CLSTN2: variants seen among roughly 807,000 people sequenced by gnomAD.
CLSTN2 encodes the protein calsyntenin-2.
Under a neutral mutation model 101.2 loss-of-function variants are expected in CLSTN2, and 48 were observed. The ratio of observed to expected loss-of-function variants is 0.47; its 90% CI spans 0.38 to 0.60. CLSTN2 has a LOEUF of 0.60. Ranked by LOEUF, CLSTN2 falls within the 20% of genes least tolerant of loss-of-function variation. The pLI, the probability that CLSTN2 is intolerant of heterozygous loss-of-function variation, is 0.00. For synonymous variants in CLSTN2, 481 were observed against 463.6 expected, an observed-to-expected ratio of 1.04 and a Z score of -0.48; for missense variants, 1,160 against 1,238.2, an observed-to-expected ratio of 0.94 and a Z score of 0.95.
At position 140,575,834 on chromosome 3, in the gene CLSTN2, A is replaced by G. The variant is rs552673620; in HGVS notation, c.*9581A>G. 1.3e-5 allele frequency: 2 copies of G among 152,282 alleles called. No homozygotes were observed. The highest frequency in any genetic ancestry group is 2.4e-5 in the African/African-American group (1 of 41,564). The allele number at this position is 152,282 out of a possible 1,614,324, so 9.4% of individuals were successfully genotyped here. A position where few individuals can be genotyped will look rare whatever the true frequency, so the allele number is the denominator to read the frequency against. On this transcript the variant is annotated 3_prime_UTR_variant, in exon 17 of 17. Transcript: ENST00000458420. Reference sequence around the variant, plus strand: ...TGTGTATATGTGTGCATATATGTGTACATATACACATACCCCAAAGCCATA... The same window carrying G: ...TGTGTATATGTGTGCATATATGTGTGCATATACACATACCCCAAAGCCATA...
intron 2 of CLSTN2, among the ~76,000 whole-genome samples, chr3:140,306,068 A>T (rs933592861): frequency 3.3e-5 from 5 of 152,166 alleles, no homozygotes; most frequent in Non-Finnish European, 5.9e-5. Context: ...CTACACCCTC[A>T]TAGAAATGTA....
intron 2 of CLSTN2, among the ~76,000 whole-genome samples, chr3:140,214,359 C>A (rs2010895844): frequency 6.6e-6 from 1 of 151,904 alleles, no homozygotes; most frequent in South Asian, 2.1e-4. Context: ...GAGGCTGGGG[C>A]AGGAAAATCG....
intron 1 of CLSTN2, among the ~76,000 whole-genome samples, chr3:140,126,974 C>G: frequency 6.8e-6 from 1 of 147,844 alleles, no homozygotes; most frequent in East Asian, 2.0e-4. Flanking sequence ...ATATTGACTT[C>G]AAAAAAAAAG....
intron 2 of CLSTN2, among the ~76,000 whole-genome samples, chr3:140,181,906 C>T (rs1196596889): frequency 6.6e-6 from 1 of 152,234 alleles, no homozygotes; most frequent in East Asian, 1.9e-4. Flanking sequence ...TGCCTTCTTT[C>T]TCCTCTGCCA....
intron 2 of CLSTN2, among the ~76,000 whole-genome samples, chr3:140,203,461 GTTTTTTTTTTT>G (rs58182333): frequency 2.1e-4 from 14 of 67,920 alleles, no homozygotes; most frequent in Admixed American, 7.0e-4. Flanking sequence ...GAAAGTGTGG[GTTTTTTTTTTT>G]TTTTTTTTTT....
chr3:140,260,158 T>TATATATATATATATA (rs1559821944), intron 2 of CLSTN2, among the ~76,000 whole-genome samples: 15 of 146,786 alleles, frequency 1.0e-4, no homozygotes, highest in African/African-American at 3.5e-4. Context: ...ATATATATAT[T>TATATATATATATATA]ATATATAAAA....
chr3:140,247,512 CA>C (rs1002283842), intron 2 of CLSTN2, among the ~76,000 whole-genome samples: 6 of 152,294 alleles, frequency 3.9e-5, no homozygotes, highest in African/African-American at 1.4e-4. Flanking sequence ...ACTGGCATAC[CA>C]GGTAGATTTC....
chr3:140,355,929 A>G (rs192960423), intron 2 of CLSTN2, among the ~76,000 whole-genome samples: 1 of 152,360 alleles, frequency 6.6e-6, no homozygotes, highest in East Asian at 1.9e-4. Flanking sequence ...TTGTGTTTGA[A>G]TAAAAAATGA....
At chr3:140,035,726 A>G (rs1469202770) in intron 1 of CLSTN2, among the ~76,000 whole-genome samples, 1 of 152,200 alleles carries the variant, frequency 6.6e-6, no homozygotes, top group South Asian at 2.1e-4. Flanking sequence ...TTTGCCAGTC[A>G]TTTGTTTAAG....
chr3:140,136,050 A>C (rs1300862525), intron 1 of CLSTN2, among the ~76,000 whole-genome samples: 1 of 152,214 alleles, frequency 6.6e-6, no homozygotes, highest in Non-Finnish European at 1.5e-5. Context: ...CTTAATGAGC[A>C]GTTCCTTCAG....
chr3:140,268,853 G>A (rs374745793), intron 2 of CLSTN2, among the ~76,000 whole-genome samples: 1 of 152,260 alleles, frequency 6.6e-6, no homozygotes, highest in Admixed American at 6.5e-5. Flanking sequence ...CATTTCCTCT[G>A]TGTACAGGAT....
chr3:140,037,158 T>TA (rs201707124), intron 1 of CLSTN2, among the ~76,000 whole-genome samples: 2,795 of 152,230 alleles, frequency 0.018, 47 homozygotes, highest in Middle Eastern at 0.065. Flanking sequence ...TTCAAACTTG[T>TA]AAAAAAACTT....
chr3:140,544,958 T>C (rs909825597), intron 9 of CLSTN2, among the ~76,000 whole-genome samples: 2 of 152,076 alleles, frequency 1.3e-5, no homozygotes, highest in African/African-American at 2.4e-5. Context: ...GGAAGGTATA[T>C]GGATCTAGAT....
intron 8 of CLSTN2, among the ~76,000 whole-genome samples, chr3:140,478,798 A>G (rs1469036956): frequency 2.1e-5 from 3 of 142,868 alleles, no homozygotes; most frequent in African/African-American, 7.6e-5. Flanking sequence ...AGGGAAGGGA[A>G]GAAGGGAGGA....
chr3:140,405,122 C>T (rs143727885), intron 4 of CLSTN2, among the ~76,000 whole-genome samples: 11 of 152,214 alleles, frequency 7.2e-5, no homozygotes, highest in South Asian at 6.2e-4. Context: ...TATCTGGGTC[C>T]GTTTCCTATG....
At chr3:140,228,405 A>C (rs928732413) in intron 2 of CLSTN2, among the ~76,000 whole-genome samples, 1 of 152,142 alleles carries the variant, frequency 6.6e-6, no homozygotes, top group Non-Finnish European at 1.5e-5. Context: ...TTTATATTCC[A>C]TATCACTATT....
intron 1 of CLSTN2, among the ~76,000 whole-genome samples, chr3:139,951,686 G>A (rs1342662706): frequency 6.6e-6 from 1 of 152,086 alleles, no homozygotes; most frequent in African/African-American, 2.4e-5. Context: ...AAAAAGAAAT[G>A]AAAAGCTATG....
chr3:140,485,541 C>T (rs1934220079), intron 8 of CLSTN2, among the ~76,000 whole-genome samples: 1 of 152,170 alleles, frequency 6.6e-6, no homozygotes, highest in South Asian at 2.1e-4. Flanking sequence ...TTGGCTATGC[C>T]CTGCCCCCAG....
intron 2 of CLSTN2, among the ~76,000 whole-genome samples, chr3:140,237,350 T>C (rs2107864706): frequency 6.6e-6 from 1 of 152,318 alleles, no homozygotes. Context: ...TGTAGCACTG[T>C]AAAAGCTCCA....
Sources: gnomAD v4.1 joint callset for allele counts (sites outside exome capture counted in the v4.1 genomes callset) on GRCh38, gnomAD v4.1.1 for gene constraint, MANE v1.5 for transcripts, NCBI Gene and HGNC (gene_info 2026-07-23, HGNC 2026-07-21) for gene names.